Variants in SLC8A1 observed in about 807,000 individuals in gnomAD.
The protein encoded by SLC8A1 is sodium/calcium exchanger 1.
SLC8A1 carries 18 observed loss-of-function variants against 68.3 expected under a neutral mutation model. That is an observed-to-expected ratio of 0.26 (90% CI 0.18 to 0.39). The LOEUF is 0.39. Among genes scored for constraint, SLC8A1 ranks in the 10% least tolerant of loss-of-function variants. SLC8A1 has a pLI of 1.00. For missense variants in SLC8A1, 985 were observed against 1,156.7 expected, an observed-to-expected ratio of 0.85 and a Z score of 2.15; for synonymous variants, 475 against 415.5, an observed-to-expected ratio of 1.14 and a Z score of -1.74.
At chr2:40,379,975 T>C (rs552083806) in intron 2 of SLC8A1, among the ~76,000 whole-genome samples, 7 of 152,128 alleles carry the variant, frequency 4.6e-5, no homozygotes, top group Admixed American at 1.3e-4. Flanking sequence ...TGAAAATTAA[T>C]AAAATACTTT....
chr2:40,463,887 C>CACACACACACACACACACACACACAT (rs796954298), intron 1 of SLC8A1, among the ~76,000 whole-genome samples: 5 of 108,550 alleles, frequency 4.6e-5, no homozygotes, highest in African/African-American at 1.9e-4. Flanking sequence ...CACACACACA[C>CACACACACACACACACACACACACAT]ATATATATAT....
At chr2:40,480,164 C>T (rs960086828) in intron 1 of SLC8A1, among the ~76,000 whole-genome samples, 1 of 152,090 alleles carries the variant, frequency 6.6e-6, no homozygotes, top group Non-Finnish European at 1.5e-5. Flanking sequence ...AACCCCAAAA[C>T]CTCATGAAAC....
chr2:40,507,736 CAT>C (rs1706458878), intron 1 of SLC8A1, among the ~76,000 whole-genome samples: 1 of 151,954 alleles, frequency 6.6e-6, no homozygotes, highest in South Asian at 2.1e-4. Context: ...GTGACTATCT[CAT>C]AGGGCTAATT....
At chr2:40,218,931 T>C (rs1283656636) in intron 2 of SLC8A1, among the ~76,000 whole-genome samples, 26 of 152,092 alleles carry the variant, frequency 1.7e-4, no homozygotes, top group Admixed American at 1.7e-3. Context: ...CCCTGAGTGC[T>C]TTTTTTAACT....
At chr2:40,309,604 C>T (rs2073312600) in intron 2 of SLC8A1, among the ~76,000 whole-genome samples, 1 of 146,750 alleles carries the variant, frequency 6.8e-6, no homozygotes, top group Non-Finnish European at 1.5e-5. Context: ...CTCCCAGGTT[C>T]AAGAGATTCT....
intron 1 of SLC8A1, among the ~76,000 whole-genome samples, chr2:40,511,520 T>C (rs1245947112): frequency 6.6e-6 from 1 of 152,202 alleles, no homozygotes; most frequent in Non-Finnish European, 1.5e-5. Context: ...GTCGTATAGA[T>C]ACTGGTGTTG....
chr2:40,406,221 T>C (rs907168103), intron 2 of SLC8A1, among the ~76,000 whole-genome samples: 2 of 152,174 alleles, frequency 1.3e-5, no homozygotes, highest in Non-Finnish European at 2.9e-5. Context: ...TTATGCAAAA[T>C]ATGATCTCCC....
chr2:40,371,785 C>T (rs1678183011), intron 2 of SLC8A1, among the ~76,000 whole-genome samples: 1 of 152,022 alleles, frequency 6.6e-6, no homozygotes, highest in Non-Finnish European at 1.5e-5. Flanking sequence ...CTCTGGAAAC[C>T]CGATCTCTGG....
intron 2 of SLC8A1, among the ~76,000 whole-genome samples, chr2:40,399,087 T>A (rs758755935): frequency 3.9e-5 from 6 of 152,184 alleles, no homozygotes; most frequent in Non-Finnish European, 5.9e-5. Context: ...ACCTATTATT[T>A]TAACATTTTC....
At chr2:40,318,904 A>G (rs2074838727) in intron 2 of SLC8A1, among the ~76,000 whole-genome samples, 1 of 152,104 alleles carries the variant, frequency 6.6e-6, no homozygotes, top group Non-Finnish European at 1.5e-5. Flanking sequence ...GTTTGAGGGT[A>G]AAATTGCTAT....
chr2:40,177,986 T>C (rs1368188555), intron 2 of SLC8A1: 1 of 653,802 alleles, frequency 1.5e-6, no homozygotes, highest in Non-Finnish European at 2.8e-6. Context: ...TCCTGAAGTA[T>C]GTAAAAGGGC....
chr2:40,326,690 T>C (rs764616092), intron 2 of SLC8A1, among the ~76,000 whole-genome samples: 9 of 152,230 alleles, frequency 5.9e-5, no homozygotes, highest in Non-Finnish European at 1.2e-4. Flanking sequence ...TCAATGGTTA[T>C]GGTCATCACT....
intron 2 of SLC8A1, among the ~76,000 whole-genome samples, chr2:40,335,981 G>T (rs765818779): frequency 1.3e-5 from 2 of 152,218 alleles, no homozygotes; most frequent in Non-Finnish European, 2.9e-5. Context: ...AGTCCATGAA[G>T]TGGGTAATGC....
chr2:40,408,846 T>C (rs551618040), intron 2 of SLC8A1, among the ~76,000 whole-genome samples: 1 of 152,164 alleles, frequency 6.6e-6, no homozygotes, highest in East Asian at 1.9e-4. Flanking sequence ...TTTGAGCACA[T>C]TTCAACTTAA....
chr2:40,412,911 T>C (rs1008144170), intron 2 of SLC8A1, among the ~76,000 whole-genome samples: 24 of 152,196 alleles, frequency 1.6e-4, no homozygotes, highest in Non-Finnish European at 7.3e-5. Context: ...GCTGATTTTT[T>C]TTTATTATAC....
At chr2:40,372,335 A>C (rs1678368543) in intron 2 of SLC8A1, among the ~76,000 whole-genome samples, 1 of 152,116 alleles carries the variant, frequency 6.6e-6, no homozygotes, top group South Asian at 2.1e-4. Flanking sequence ...TACCACAGAG[A>C]TCTGTTAACC....
intron 2 of SLC8A1, among the ~76,000 whole-genome samples, chr2:40,355,300 AG>A: frequency 6.6e-6 from 1 of 152,304 alleles, no homozygotes; most frequent in South Asian, 2.1e-4. Context: ...TGATATTCTC[AG>A]TCACAAAGCC....
chr2:40,202,253 C>A (rs1573993108), intron 2 of SLC8A1, among the ~76,000 whole-genome samples: 1 of 152,088 alleles, frequency 6.6e-6, no homozygotes, highest in East Asian at 1.9e-4. Context: ...CCTCAAATGT[C>A]CTACTTCCAC....
intron 2 of SLC8A1, among the ~76,000 whole-genome samples, chr2:40,355,437 C>T (rs1559364513): frequency 6.6e-6 from 1 of 152,066 alleles, no homozygotes; most frequent in African/African-American, 2.4e-5. Context: ...CAGCCAGTGG[C>T]TTTCTTGGTC....
Sources: gnomAD v4.1 joint callset for allele counts (sites outside exome capture counted in the v4.1 genomes callset) on GRCh38, gnomAD v4.1.1 for gene constraint, MANE v1.5 for transcripts, NCBI Gene and HGNC (gene_info 2026-07-23, HGNC 2026-07-21) for gene names.